Variants in CPQ observed in about 807,000 individuals in gnomAD.
CPQ encodes carboxypeptidase Q, also known as Ser-Met dipeptidase.
In CPQ, 37 loss-of-function variants were observed where a neutral mutation model predicts 45.7. That is an observed-to-expected ratio of 0.81 (90% CI 0.62 to 1.07). CPQ has a LOEUF of 1.07. CPQ is among the 50% of genes least tolerant of loss of function. CPQ has a pLI of 0.00. For synonymous variants in CPQ, 186 were observed against 205.8 expected, an observed-to-expected ratio of 0.90 and a Z score of 0.82; for missense variants, 537 against 572.9, an observed-to-expected ratio of 0.94 and a Z score of 0.64.
intron 6 of CPQ, among the ~76,000 whole-genome samples, chr8:97,031,543 T>C (rs913737567): frequency 6.6e-6 from 1 of 152,186 alleles, no homozygotes; most frequent in African/African-American, 2.4e-5. Flanking sequence ...TTGCAATTGA[T>C]CTGGCTAAAA....
intron 2 of CPQ, among the ~76,000 whole-genome samples, chr8:96,818,343 G>A (rs1158997894): frequency 2.6e-5 from 4 of 151,604 alleles, no homozygotes; most frequent in Non-Finnish European, 5.9e-5. Context: ...AATTACAATA[G>A]CAATATCAGA....
At chr8:97,062,766 G>T (rs1810573370) in intron 6 of CPQ, among the ~76,000 whole-genome samples, 1 of 152,186 alleles carries the variant, frequency 6.6e-6, no homozygotes, top group Middle Eastern at 3.4e-3. Flanking sequence ...AAGGATAATG[G>T]CCTCCAGCTC....
intron 1 of CPQ, among the ~76,000 whole-genome samples, chr8:96,740,777 G>A (rs1410966391): frequency 6.6e-6 from 1 of 152,158 alleles, no homozygotes; most frequent in Non-Finnish European, 1.5e-5. Flanking sequence ...ATAGATTTAT[G>A]TATATTGAAC....
chr8:96,778,420 A>G (rs1362280024), intron 1 of CPQ, among the ~76,000 whole-genome samples: 1 of 152,134 alleles, frequency 6.6e-6, no homozygotes, highest in Admixed American at 6.5e-5. Context: ...TAATTTTTAG[A>G]TTATATTCCA....
chr8:96,985,727 CGTT>C (rs1209506919), intron 5 of CPQ, among the ~76,000 whole-genome samples: 1 of 151,970 alleles, frequency 6.6e-6, no homozygotes, highest in Non-Finnish European at 1.5e-5. Context: ...TTTTCAAAGG[CGTT>C]GTAAAAAACA....
intron 4 of CPQ, among the ~76,000 whole-genome samples, chr8:96,910,492 G>A (rs555933219): frequency 1.3e-5 from 2 of 152,216 alleles, no homozygotes; most frequent in East Asian, 3.9e-4. Context: ...AGGTGAAATA[G>A]TGTTATAATC....
intron 3 of CPQ, among the ~76,000 whole-genome samples, chr8:96,875,695 T>C (rs1282817589): frequency 1.3e-5 from 2 of 151,982 alleles, no homozygotes; most frequent in South Asian, 2.1e-4. Context: ...TTGGTTACTA[T>C]AGTTTTATGG....
intron 4 of CPQ, among the ~76,000 whole-genome samples, chr8:96,909,797 T>G (rs1348775136): frequency 2.0e-5 from 3 of 152,222 alleles, no homozygotes; most frequent in Non-Finnish European, 4.4e-5. Context: ...GGAGGTGATA[T>G]AAAAGCTGAA....
chr8:96,953,438 C>T (rs1813301990), intron 4 of CPQ, among the ~76,000 whole-genome samples: 1 of 152,054 alleles, frequency 6.6e-6, no homozygotes, highest in African/African-American at 2.4e-5. Context: ...CTGATTATTC[C>T]TTCAGGGCAA....
At chr8:97,123,348 A>C (rs927386716) in intron 7 of CPQ, among the ~76,000 whole-genome samples, 23 of 149,458 alleles carry the variant, frequency 1.5e-4, no homozygotes, top group African/African-American at 5.6e-4. Context: ...AAAAAATAAT[A>C]AAGATATAAT....
chr8:96,866,276 C>T (rs77494366), intron 3 of CPQ, among the ~76,000 whole-genome samples: 2 of 152,044 alleles, frequency 1.3e-5, no homozygotes, highest in Non-Finnish European at 2.9e-5. Flanking sequence ...AAATATGCCT[C>T]GTCACAGGTT....
At chr8:96,982,909 CT>C in intron 5 of CPQ, among the ~76,000 whole-genome samples, 2 of 152,122 alleles carry the variant, frequency 1.3e-5, no homozygotes, top group South Asian at 2.1e-4. Flanking sequence ...ATTCTTTGCC[CT>C]TTTTTAAACT....
intron 2 of CPQ, among the ~76,000 whole-genome samples, chr8:96,831,366 G>A (rs1811459366): frequency 6.6e-6 from 1 of 152,156 alleles, no homozygotes; most frequent in Non-Finnish European, 1.5e-5. Context: ...AAGAGGTACA[G>A]GAGGTTGGGA....
chr8:96,653,318 T>G (rs979971124), intron 1 of CPQ, among the ~76,000 whole-genome samples: 3 of 152,098 alleles, frequency 2.0e-5, no homozygotes, highest in African/African-American at 4.8e-5. Context: ...CTTTGATAAT[T>G]AATGATGTTG....
At chr8:96,824,100 G>T (rs1811346776) in intron 2 of CPQ, among the ~76,000 whole-genome samples, 1 of 151,988 alleles carries the variant, frequency 6.6e-6, no homozygotes. Flanking sequence ...TAGTATTTAG[G>T]CATCTTGTAG....
chr8:96,859,276 C>A (rs1811897363), intron 3 of CPQ, among the ~76,000 whole-genome samples: 2 of 152,198 alleles, frequency 1.3e-5, no homozygotes, highest in Admixed American at 1.3e-4. Context: ...TAAGAGACTG[C>A]AGAATATCTT....
chr8:96,688,165 T>C (rs1041665266), intron 1 of CPQ, among the ~76,000 whole-genome samples: 1 of 152,186 alleles, frequency 6.6e-6, no homozygotes, highest in African/African-American at 2.4e-5. Context: ...CTACATTTTG[T>C]ATTGTGCCCT....
intron 4 of CPQ, among the ~76,000 whole-genome samples, chr8:96,935,798 A>G (rs146270255): frequency 2.0e-5 from 3 of 152,298 alleles, no homozygotes; most frequent in Admixed American, 6.5e-5. Context: ...ATAGCATAAA[A>G]TACTTTACTT....
chr8:96,748,849 C>A (rs1810223901), intron 1 of CPQ, among the ~76,000 whole-genome samples: 1 of 152,102 alleles, frequency 6.6e-6, no homozygotes, highest in South Asian at 2.1e-4. Flanking sequence ...TGTTAGGTAA[C>A]AGGACCTGTG....
Sources: allele counts gnomAD v4.1 joint callset (sites outside exome capture counted in the v4.1 genomes callset), GRCh38; gene constraint gnomAD v4.1.1; transcripts MANE v1.5; gene names NCBI Gene and HGNC (gene_info 2026-07-23, HGNC 2026-07-21).